CAMK2A: variants seen among roughly 807,000 people sequenced by gnomAD.
CAMK2A encodes calcium/calmodulin-dependent protein kinase type II subunit alpha.
A neutral mutation model predicts 79.2 loss-of-function variants in CAMK2A; 7 were observed. The ratio of observed to expected loss-of-function variants is 0.09; its 90% confidence interval spans 0.05 to 0.17. CAMK2A has a LOEUF of 0.17. CAMK2A is among the 10% of genes least tolerant of loss of function. The pLI, the probability that CAMK2A is intolerant of heterozygous loss-of-function variation, is 1.00. For missense variants in CAMK2A, 214 were observed against 646.4 expected (o/e 0.33, Z 7.25); for synonymous variants, 242 against 251.7 (o/e 0.96, Z 0.36).
intron 17 of CAMK2A, among the ~76,000 whole-genome samples, chr5:150,227,707 C>T (rs941448009): frequency 1.3e-5 from 2 of 152,144 alleles, no homozygotes; most frequent in African/African-American, 4.8e-5. Context: ...AGGGGCACAG[C>T]AGTGTGAGCT....
intron 17 of CAMK2A, among the ~76,000 whole-genome samples, chr5:150,225,041 G>GGAGAGAGAGAGAGAGAGAGA (rs58360121): frequency 1.8e-5 from 2 of 108,934 alleles, no homozygotes; most frequent in South Asian, 3.1e-4. Context: ...TGGTAGGTAG[G>GGAGAGAGAGAGAGAGAGAGA]GAGAGAGAGA....
At chr5:150,282,409 T>C (rs1192960045) in intron 1 of CAMK2A, among the ~76,000 whole-genome samples, 16 of 152,194 alleles carry the variant, frequency 1.1e-4, no homozygotes, top group Non-Finnish European at 1.9e-4. Context: ...CTCTTTACAG[T>C]GCTTAAAGGA....
intron 15 of CAMK2A, among the ~76,000 whole-genome samples, chr5:150,235,435 T>G (rs752978180): frequency 3.3e-5 from 5 of 152,210 alleles, no homozygotes; most frequent in Non-Finnish European, 5.9e-5. Context: ...AATGCTCCCC[T>G]ACAGATGGGA....
chr5:150,238,655 G>A (rs1343670898), intron 15 of CAMK2A, 45 bp downstream of exon 15: 1 of 1,553,002 alleles, frequency 6.4e-7, no homozygotes, highest in Non-Finnish European at 8.8e-7. Flanking sequence ...CTCAGAGCTG[G>A]TTCCAGAAGT....
intron 1 of CAMK2A, among the ~76,000 whole-genome samples, chr5:150,283,130 C>T (rs1226012340): frequency 6.6e-6 from 1 of 152,224 alleles, no homozygotes; most frequent in Non-Finnish European, 1.5e-5. Context: ...TCCAGACCTT[C>T]ACCACCCTGC....
intron 13 of CAMK2A, among the ~76,000 whole-genome samples, chr5:150,241,914 C>T (rs754584032): frequency 9.2e-5 from 14 of 152,180 alleles, no homozygotes; most frequent in Non-Finnish European, 1.9e-4. Flanking sequence ...CCAGGCCCCA[C>T]ACAGCTCAGC....
At chr5:150,239,857 C>T (rs541505634) in intron 13 of CAMK2A, 121 bp from the exon 14 acceptor site, 3 of 833,062 alleles carry the variant, frequency 3.6e-6, no homozygotes, top group South Asian at 1.4e-5. Context: ...CTCTGTAGTC[C>T]TTTGTCGGCT....
intron 15 of CAMK2A, among the ~76,000 whole-genome samples, chr5:150,237,911 A>G (rs1755154265): frequency 6.6e-6 from 1 of 152,138 alleles, no homozygotes; most frequent in Admixed American, 6.5e-5. Context: ...ACTGCTGGCC[A>G]CTAGCTCCAG....
At chr5:150,247,892 C>T in intron 11 of CAMK2A, 78 bp from the exon 12 acceptor site, 9 of 1,217,952 alleles carry the variant, frequency 7.4e-6, no homozygotes, top group Non-Finnish European at 1.1e-5. Context: ...GACGGGAGGG[C>T]CACGGGGAAG....
chr5:150,277,953 C>T (rs1256241575), intron 1 of CAMK2A, among the ~76,000 whole-genome samples: 1 of 152,172 alleles, frequency 6.6e-6, no homozygotes, highest in Non-Finnish European at 1.5e-5. Flanking sequence ...AGGTCACTTG[C>T]ACTTTTTCTT....
upstream of CAMK2A, chr5:150,289,855 C>A: frequency 3.7e-6 from 2 of 543,878 alleles, no homozygotes; most frequent in Non-Finnish European, 3.3e-6. Context: ...CCAAAACGCC[C>A]TGTTCCCGTT....
chr5:150,260,976 T>C (rs1463361284), intron 3 of CAMK2A, among the ~76,000 whole-genome samples: 1 of 152,186 alleles, frequency 6.6e-6, no homozygotes, highest in African/African-American at 2.4e-5. Flanking sequence ...GCTAGAATCA[T>C]CTCAGAAAGG....
intron 7 of CAMK2A, among the ~76,000 whole-genome samples, chr5:150,253,111 T>G (rs1348033482): frequency 6.6e-6 from 1 of 152,194 alleles, no homozygotes; most frequent in Non-Finnish European, 1.5e-5. Flanking sequence ...CCTAGACTAT[T>G]AGGGCAGCTC....
intron 15 of CAMK2A, among the ~76,000 whole-genome samples, chr5:150,236,643 A>G (rs573850486): frequency 1.3e-5 from 2 of 152,276 alleles, no homozygotes; most frequent in Admixed American, 6.5e-5. Flanking sequence ...TTATGTGGCT[A>G]TATCTATCCA....
Position 150,264,930 on chromosome 5 carries a change from C to A in CAMK2A, c.217+26G>T, listed in dbSNP as rs762255167. 4.4e-6 allele frequency: 7 copies of A among 1,605,334 alleles called. 1 individual carries two copies. Among genetic ancestry groups the A allele is most frequent in the South Asian group, 1.1e-5 (1 of 90,876 alleles). On this transcript the variant is annotated intron_variant, in intron 3 of 18. Coordinates refer to ENST00000671881, the MANE Select transcript of CAMK2A (RefSeq NM_015981.4). ...AGGGGAGCAGGGCCTGGCTCCCCTGCGCCCCTCTCATCCCACAAGGCTCAC... is the reference window on the plus strand; with the variant it reads ...AGGGGAGCAGGGCCTGGCTCCCCTGAGCCCCTCTCATCCCACAAGGCTCAC...
At chr5:150,276,719 C>T (rs770808571) in intron 1 of CAMK2A, among the ~76,000 whole-genome samples, 1 of 152,144 alleles carries the variant, frequency 6.6e-6, no homozygotes, top group Non-Finnish European at 1.5e-5. Context: ...AGCTGGGTCT[C>T]GTCCTGCTCA....
intron 2 of CAMK2A, among the ~76,000 whole-genome samples, chr5:150,271,233 T>C (rs902034228): frequency 6.6e-6 from 1 of 152,196 alleles, no homozygotes; most frequent in African/African-American, 2.4e-5. Context: ...TTCCCAGCCT[T>C]CCACAAGCTT....
At chr5:150,280,072 T>G (rs1459740289) in intron 1 of CAMK2A, among the ~76,000 whole-genome samples, 3 of 152,192 alleles carry the variant, frequency 2.0e-5, no homozygotes, top group Non-Finnish European at 4.4e-5. Flanking sequence ...CTCAGTTTCC[T>G]CATTTGAAAG....
chr5:150,230,959 C>A (rs1164320698), intron 16 of CAMK2A, among the ~76,000 whole-genome samples: 2 of 152,156 alleles, frequency 1.3e-5, no homozygotes, highest in African/African-American at 4.8e-5. Context: ...TCCCTTCCCA[C>A]CTTCCCAGCT....
Sources: gnomAD v4.1 joint callset for allele counts (sites outside exome capture counted in the v4.1 genomes callset) on GRCh38, gnomAD v4.1.1 for gene constraint, MANE v1.5 for transcripts, NCBI Gene and HGNC (gene_info 2026-07-23, HGNC 2026-07-21) for gene names.